Variants in GALNT17 observed in about 807,000 individuals in gnomAD.
GALNT17 encodes UDP-GalNAc:polypeptide N-acetylgalactosaminyltransferase-like 3.
Under a neutral mutation model 63.7 loss-of-function variants are expected in GALNT17, and 29 were observed. The ratio of observed to expected loss-of-function variants is 0.46; its 90% CI spans 0.34 to 0.62. The LOEUF (loss-of-function observed/expected upper bound fraction) is 0.62. Among genes scored for constraint, GALNT17 ranks in the 20% least tolerant of loss-of-function variants. The probability of loss-of-function intolerance (pLI) is 0.01; values close to 1 mark genes in which losing one functional copy is unlikely to be tolerated. For synonymous variants in GALNT17, 305 were observed against 318.3 expected, an observed-to-expected ratio of 0.96 and a Z score of 0.45; for missense variants, 603 against 799.6, an observed-to-expected ratio of 0.75 and a Z score of 2.97.
intron 5 of GALNT17, among the ~76,000 whole-genome samples, chr7:71,467,749 G>A (rs543177984): frequency 3.3e-5 from 5 of 151,936 alleles, no homozygotes; most frequent in Middle Eastern, 3.4e-3. Context: ...CTAGACAACA[G>A]GGAACATGGA....
rs148074682 is a variant in GALNT17 at position 71,222,538 on chromosome 7, C to T, written c.238+89498C>T. Among the ~76,000 whole-genome samples, 1,339 of 151,960 alleles carry T rather than the reference C, an allele frequency of 8.8e-3. 20 individuals are homozygous for T. The highest frequency in any genetic ancestry group is 0.031 in the African/African-American group (1,280 of 41,456). On this transcript the variant is annotated intron_variant, in intron 1 of 10. Coordinates refer to ENST00000333538, the MANE Select transcript of GALNT17 (RefSeq NM_022479.3). ...AACTCCTGATCTCAAGCAATTAACC[C>T]GCCTCTGCCTCCCAAAGTGCTGGGA...
At chr7:71,489,985 T>G (rs1334813374) in intron 5 of GALNT17, among the ~76,000 whole-genome samples, 1 of 151,784 alleles carries the variant, frequency 6.6e-6, no homozygotes, top group Non-Finnish European at 1.5e-5. Context: ...ATGGTGAGAC[T>G]CCATCTCTAC....
At chr7:71,294,793 C>T (rs1345651234) in intron 1 of GALNT17, among the ~76,000 whole-genome samples, 1 of 152,086 alleles carries the variant, frequency 6.6e-6, no homozygotes, top group Non-Finnish European at 1.5e-5. Context: ...ATGTTATTAT[C>T]TATAGGTTTT....
intron 5 of GALNT17, among the ~76,000 whole-genome samples, chr7:71,443,603 A>G (rs578221379): frequency 3.3e-5 from 5 of 152,250 alleles, no homozygotes; most frequent in African/African-American, 1.2e-4. Flanking sequence ...ACCTTCTGCC[A>G]TGAGTGGAAG....
chr7:71,465,665 A>G (rs1292000480), intron 5 of GALNT17, among the ~76,000 whole-genome samples: 1 of 152,166 alleles, frequency 6.6e-6, no homozygotes, highest in African/African-American at 2.4e-5. Context: ...TGAAAAATCA[A>G]CTCACAAGAG....
chr7:71,460,367 C>T (rs1383244891), intron 5 of GALNT17, among the ~76,000 whole-genome samples: 1 of 152,132 alleles, frequency 6.6e-6, no homozygotes, highest in East Asian at 1.9e-4. Context: ...AAAATAAATA[C>T]TAAATCACCA....
intron 5 of GALNT17, among the ~76,000 whole-genome samples, chr7:71,546,383 A>G (rs1018952388): frequency 6.6e-6 from 1 of 151,974 alleles, no homozygotes; most frequent in Non-Finnish European, 1.5e-5. Context: ...GCTGGTCTCA[A>G]ACTCCTGGGT....
chr7:71,638,560 C>T (rs892390557), intron 6 of GALNT17, among the ~76,000 whole-genome samples: 1 of 152,132 alleles, frequency 6.6e-6, no homozygotes, highest in Non-Finnish European at 1.5e-5. Flanking sequence ...ACGAAAAGGG[C>T]ATCCCGATAC....
chr7:71,684,526 C>T (rs1791322132), intron 9 of GALNT17, among the ~76,000 whole-genome samples: 1 of 152,182 alleles, frequency 6.6e-6, no homozygotes. Context: ...CTAGGGACAG[C>T]TCTGAACACT....
chr7:71,358,023 G>C (rs769953650), intron 2 of GALNT17, among the ~76,000 whole-genome samples: 2 of 152,222 alleles, frequency 1.3e-5, no homozygotes, highest in Non-Finnish European at 2.9e-5. Context: ...CCAGCCAGCA[G>C]CGGCAACCCG....
intron 1 of GALNT17, among the ~76,000 whole-genome samples, chr7:71,215,793 A>C (rs1230117754): frequency 6.6e-6 from 1 of 152,156 alleles, no homozygotes; most frequent in African/African-American, 2.4e-5. Context: ...AGCGTTCTCA[A>C]ACATTTTGGG....
At chr7:71,238,320 C>G (rs899645697) in intron 1 of GALNT17, among the ~76,000 whole-genome samples, 11 of 152,112 alleles carry the variant, frequency 7.2e-5, no homozygotes, top group African/African-American at 2.4e-4. Flanking sequence ...AGAGGTCTCT[C>G]CCAGAAGCCT....
intron 10 of GALNT17, among the ~76,000 whole-genome samples, chr7:71,711,260 C>G (rs932164379): frequency 6.6e-6 from 1 of 152,076 alleles, no homozygotes; most frequent in African/African-American, 2.4e-5. Context: ...TCCCAGGAAA[C>G]TCAACATCCT....
rs1307920067 is a variant in GALNT17 at position 71,317,957 on chromosome 7, TG to T, written c.239-17592del. Among the ~76,000 whole-genome samples the T allele has an allele frequency of 3.9e-5, 6 of 152,154 alleles. No individual in the cohort carries two copies. In the South Asian group the frequency reaches 6.2e-4, roughly 16 times the overall value. On this transcript the variant is annotated intron_variant, in intron 1 of 10. Transcript: ENST00000333538. ...GGGAGAGGGGGACAGGTTCTCACCC[TG>T]TGGCCCAGGCTGGAGTGCAATGGTG...
intron 5 of GALNT17, among the ~76,000 whole-genome samples, chr7:71,434,870 T>A (rs1351998279): frequency 6.6e-6 from 1 of 152,148 alleles, no homozygotes; most frequent in Non-Finnish European, 1.5e-5. Context: ...AAGCAAGACA[T>A]GGAGAGATAG....
At chr7:71,250,714 A>G (rs1206380500) in intron 1 of GALNT17, among the ~76,000 whole-genome samples, 2 of 152,228 alleles carry the variant, frequency 1.3e-5, no homozygotes, top group African/African-American at 2.4e-5. Flanking sequence ...TTTTGCACCA[A>G]CCCGATCATT....
In GALNT17 at chr7:71,530,821, G is replaced by T. The variant is rs192794068; in HGVS notation, c.963-40464G>T. ...CTGACCTTGTGATCCGTCCGCCTCG[G>T]CCTCCCAAAGCGCTGGGATTACAGG... On this transcript the variant is annotated intron_variant, in intron 5 of 10. Coordinates refer to ENST00000333538, the MANE Select transcript of GALNT17 (RefSeq NM_022479.3). Among the ~76,000 whole-genome samples the T allele has an allele frequency of 3.6e-3, 553 of 152,152 alleles. 5 individuals carry two copies. Among genetic ancestry groups the T allele is most frequent in the African/African-American group, 0.013 (529 of 41,512 alleles).
At chr7:71,334,938 T>A (rs1454117053) in intron 1 of GALNT17, among the ~76,000 whole-genome samples, 1 of 152,226 alleles carries the variant, frequency 6.6e-6, no homozygotes, top group Non-Finnish European at 1.5e-5. Context: ...GACTTGCTGT[T>A]TTTATTCTGT....
At chr7:71,148,230 T>G (rs1402057156) in intron 1 of GALNT17, among the ~76,000 whole-genome samples, 1 of 152,236 alleles carries the variant, frequency 6.6e-6, no homozygotes, top group East Asian at 1.9e-4. Flanking sequence ...AGCACTGTTT[T>G]GGCATCATAG....
Sources: allele counts gnomAD v4.1 joint callset (sites outside exome capture counted in the v4.1 genomes callset), GRCh38; gene constraint gnomAD v4.1.1; transcripts MANE v1.5; gene names NCBI Gene and HGNC (gene_info 2026-07-23, HGNC 2026-07-21).